The following AMPH variants were observed in gnomAD, a reference collection of about 807,000 sequenced individuals.
AMPH encodes the protein amphiphysin (Stiff-Mann syndrome with breast cancer 128kD autoantigen).
A neutral mutation model predicts 99.1 loss-of-function variants in AMPH; 49 were observed. The ratio of observed to expected loss-of-function variants is 0.49; its 90% CI spans 0.39 to 0.63. AMPH has a LOEUF of 0.63. AMPH is among the 20% of genes least tolerant of loss of function. The pLI, the probability that AMPH is intolerant of heterozygous loss-of-function variation, is 0.00. For missense variants in AMPH, 759 were observed against 863.4 expected (o/e 0.88, Z 1.52); for synonymous variants, 314 against 317.3 (o/e 0.99, Z 0.11).
At chr7:38,552,287 C>T (rs1791205778) in intron 1 of AMPH, among the ~76,000 whole-genome samples, 1 of 152,208 alleles carries the variant, frequency 6.6e-6, no homozygotes, top group Admixed American at 6.5e-5. Context: ...AAACAGAGCT[C>T]CTTGGCCTGG....
chr7:38,612,362 C>T (rs1448095368), intron 1 of AMPH, among the ~76,000 whole-genome samples: 4 of 152,020 alleles, frequency 2.6e-5, no homozygotes, highest in African/African-American at 9.7e-5. Flanking sequence ...AGGCATGAAC[C>T]ACCGCACCCG....
At chr7:38,619,620 T>TG (rs1793987870) in intron 1 of AMPH, among the ~76,000 whole-genome samples, 1 of 152,254 alleles carries the variant, frequency 6.6e-6, no homozygotes, top group African/African-American at 2.4e-5. Flanking sequence ...ATAGGCCATA[T>TG]GCTAGACTAT....
At chr7:38,552,331 C>T (rs1485651105) in intron 1 of AMPH, among the ~76,000 whole-genome samples, 2 of 152,200 alleles carry the variant, frequency 1.3e-5, no homozygotes, top group Non-Finnish European at 1.5e-5. Flanking sequence ...GCTTCTGATG[C>T]AGGAGGTCTG....
chr7:38,413,996 G>A (rs1785292256), intron 17 of AMPH, among the ~76,000 whole-genome samples: 1 of 152,220 alleles, frequency 6.6e-6, no homozygotes, highest in African/African-American at 2.4e-5. Context: ...CCACCAGTCT[G>A]TGGAAACTAG....
At chr7:38,517,832 C>A (rs2083146) in intron 2 of AMPH, among the ~76,000 whole-genome samples, 130,262 of 152,274 alleles carry the variant, frequency 0.86, 55,957 homozygotes, top group African/African-American at 0.87. Flanking sequence ...CCACGTGATC[C>A]TTTGTTAAAG....
intron 5 of AMPH, among the ~76,000 whole-genome samples, chr7:38,487,862 A>G (rs1788565688): frequency 6.6e-6 from 1 of 152,250 alleles, no homozygotes; most frequent in African/African-American, 2.4e-5. Flanking sequence ...AAGTGGGCAA[A>G]GGCTATGAAC....
At chr7:38,607,854 C>T (rs1161372518) in intron 1 of AMPH, among the ~76,000 whole-genome samples, 1 of 152,192 alleles carries the variant, frequency 6.6e-6, no homozygotes, top group Non-Finnish European at 1.5e-5. Flanking sequence ...TGTTAAACTC[C>T]ATTTACAAAG....
chr7:38,624,463 C>T (rs562086110), intron 1 of AMPH, among the ~76,000 whole-genome samples: 381 of 151,598 alleles, frequency 2.5e-3, no homozygotes, highest in African/African-American at 8.5e-3. Context: ...GGCACAATCG[C>T]GGCTCACTGC....
chr7:38,591,648 C>T (rs6946369), intron 1 of AMPH, among the ~76,000 whole-genome samples: 20,624 of 152,048 alleles, frequency 0.14, 1,886 homozygotes, highest in Admixed American at 0.25. Context: ...AAAAGTGGAA[C>T]GATTCTGCAA....
chr7:38,530,561 C>A (rs1435543217), intron 2 of AMPH, among the ~76,000 whole-genome samples: 1 of 152,156 alleles, frequency 6.6e-6, no homozygotes, highest in East Asian at 1.9e-4. Context: ...TAAAATGTGT[C>A]CAAATAGTTG....
chr7:38,620,334 A>ATGTGTGTG (rs1235215214), intron 1 of AMPH, among the ~76,000 whole-genome samples: 1 of 86,212 alleles, frequency 1.2e-5, no homozygotes, highest in Non-Finnish European at 2.4e-5. Flanking sequence ...GGAGATATAT[A>ATGTGTGTG]TATGTGTGTG....
At chr7:38,577,078 C>T (rs1426008452) in intron 1 of AMPH, among the ~76,000 whole-genome samples, 1 of 152,074 alleles carries the variant, frequency 6.6e-6, no homozygotes, top group African/African-American at 2.4e-5. Flanking sequence ...GTCAACTGTA[C>T]CAGTGTGTAA....
chr7:38,413,397 C>CAT (rs1785270190), intron 17 of AMPH, among the ~76,000 whole-genome samples: 1 of 151,758 alleles, frequency 6.6e-6, no homozygotes, highest in Admixed American at 6.6e-5. Flanking sequence ...GGAAAATGAC[C>CAT]ATATACATAT....
intron 17 of AMPH, among the ~76,000 whole-genome samples, chr7:38,412,714 G>A (rs1295687619): frequency 2.0e-5 from 3 of 152,192 alleles, no homozygotes; most frequent in African/African-American, 7.2e-5. Context: ...AGATTTGGAT[G>A]TATCATGTTT....
At chr7:38,561,243 C>T (rs181440600) in intron 1 of AMPH, among the ~76,000 whole-genome samples, 114 of 152,292 alleles carry the variant, frequency 7.5e-4, no homozygotes, top group African/African-American at 2.6e-3. Context: ...TAACGAACCA[C>T]GAAGTTCCCC....
intron 17 of AMPH, 109 bp from the exon 18 acceptor site, chr7:38,394,323 G>A: frequency 2.5e-6 from 3 of 1,182,514 alleles, no homozygotes; most frequent in South Asian, 1.4e-5. Flanking sequence ...TTCAGATTTG[G>A]AACATTCTTT....
rs1358095988 is a variant in AMPH at position 38,559,876 on chromosome 7, G to A, written c.70-24865C>T. ...ATCCCATCATGCTCCTCTTGCAGCT[G>A]ACACCTATGGCGCCTGTATACATGG... On this transcript the variant is annotated intron_variant, in intron 1 of 20. Coordinates refer to ENST00000356264, the MANE Select transcript of AMPH (RefSeq NM_001635.4). Among the ~76,000 whole-genome samples, 4 of 152,310 alleles carry A rather than the reference G, an allele frequency of 2.6e-5. No homozygotes were observed. In the East Asian group the frequency reaches 7.7e-4, roughly 29 times the overall value.
At chr7:38,589,286 G>T (rs528596183) in intron 1 of AMPH, among the ~76,000 whole-genome samples, 1 of 152,246 alleles carries the variant, frequency 6.6e-6, no homozygotes, top group East Asian at 1.9e-4. Flanking sequence ...TCTTGGTGAG[G>T]TATAATTTTA....
At chr7:38,440,366 C>T (rs942439498) in intron 11 of AMPH, among the ~76,000 whole-genome samples, 2 of 152,070 alleles carry the variant, frequency 1.3e-5, no homozygotes, top group Non-Finnish European at 2.9e-5. Context: ...TTCAGACAAA[C>T]AAAATCAGAA....
Sources: allele counts gnomAD v4.1 joint callset (sites outside exome capture counted in the v4.1 genomes callset), GRCh38; gene constraint gnomAD v4.1.1; transcripts MANE v1.5; gene names NCBI Gene and HGNC (gene_info 2026-07-23, HGNC 2026-07-21).